The following PAX5 variants were observed in gnomAD, a reference collection of about 807,000 sequenced individuals.
The protein encoded by PAX5 is paired box 5.
A neutral mutation model predicts 43.7 loss-of-function variants in PAX5; 9 were observed. That is an observed-to-expected ratio of 0.21 (90% CI 0.12 to 0.36). The LOEUF is 0.36. PAX5 is among the 10% of genes least tolerant of loss of function. The pLI, the probability that PAX5 is intolerant of heterozygous loss-of-function variation, is 1.00. For missense variants in PAX5, 383 were observed against 532.7 expected, an observed-to-expected ratio of 0.72 and a Z score of 2.77; for synonymous variants, 228 against 214.3, an observed-to-expected ratio of 1.06 and a Z score of -0.56.
intron 3 of PAX5, among the ~76,000 whole-genome samples, chr9:37,006,904 G>A (rs1278293544): frequency 6.6e-6 from 1 of 152,132 alleles, no homozygotes; most frequent in Non-Finnish European, 1.5e-5. Flanking sequence ...GTGACTTTAG[G>A]GAGTCCTTCC....
rs779475124 is a variant in PAX5 at position 36,834,415 on chromosome 9, TGA to T, written c.*6143_*6144del. The T allele has an allele frequency of 7.5e-4, 128 of 171,332 alleles. No individual in the cohort carries two copies. The highest frequency in any genetic ancestry group is 1.3e-3 in the East Asian group (19 of 14,130). 10.6% of individuals were successfully genotyped at this position (171,332 alleles called of 1,614,324 possible). On this transcript the variant is annotated 3_prime_UTR_variant, in exon 10 of 10. Transcript: ENST00000358127. ...TATGTCTGAGGTGTAGGGGAGTGAGTGAGTGTGTGTGTGTGTGTGTGTGTGTG... is the reference window on the plus strand; with the variant it reads ...TATGTCTGAGGTGTAGGGGAGTGAGTGTGTGTGTGTGTGTGTGTGTGTGTG...
chr9:37,020,203 A>C (rs1295833570), intron 2 of PAX5, among the ~76,000 whole-genome samples: 1 of 152,180 alleles, frequency 6.6e-6, no homozygotes, highest in East Asian at 1.9e-4. Context: ...CAACATAACA[A>C]GGTTGATAAT....
chr9:36,885,711 G>T (rs558925077), intron 7 of PAX5, among the ~76,000 whole-genome samples: 1 of 152,244 alleles, frequency 6.6e-6, no homozygotes, highest in Non-Finnish European at 1.5e-5. Context: ...TCTTCATAAG[G>T]CTGTGGTAAG....
chr9:36,924,788 A>G (rs796840029), intron 6 of PAX5, among the ~76,000 whole-genome samples: 1 of 85,740 alleles, frequency 1.2e-5, no homozygotes, highest in Non-Finnish European at 2.3e-5. Flanking sequence ...AGGAAAAGAG[A>G]AAGGGAGGGA....
chr9:36,940,804 C>T (rs867263395), intron 6 of PAX5, among the ~76,000 whole-genome samples: 3 of 152,198 alleles, frequency 2.0e-5, no homozygotes, highest in Non-Finnish European at 4.4e-5. Flanking sequence ...TTTTCATCTG[C>T]TTTGTTCTCT....
In PAX5 at chr9:36,930,842, C is replaced by T. The variant is rs994536512; in HGVS notation, c.781-7358G>A. 8 of 1,306,044 alleles carry T rather than the reference C, an allele frequency of 6.1e-6. No homozygotes were observed. In the African/African-American group the frequency reaches 1.1e-4, roughly 17 times the overall value. The allele number at this position is 1,306,044 out of a possible 1,614,324, so 80.9% of individuals were successfully genotyped here. A position where few individuals can be genotyped will look rare whatever the true frequency, so the allele number is the denominator to read the frequency against. On this transcript the variant is annotated intron_variant, in intron 6 of 9. Transcript: ENST00000358127. ...CAAGGGACTCAAGGAGGCACGTGCC[C>T]CAGGAGAGTGTGCACTGGGCATCAT...
chr9:36,899,110 A>C (rs1321726643), intron 7 of PAX5, among the ~76,000 whole-genome samples: 2 of 152,020 alleles, frequency 1.3e-5, no homozygotes, highest in Non-Finnish European at 2.9e-5. Context: ...CACAGCCCTA[A>C]ATGGCTTGCT....
intron 7 of PAX5, among the ~76,000 whole-genome samples, chr9:36,921,792 C>T (rs1022884083): frequency 6.6e-6 from 1 of 152,188 alleles, no homozygotes; most frequent in African/African-American, 2.4e-5. Context: ...GCCAGAGGGC[C>T]AGCTCTAACT....
intron 7 of PAX5, among the ~76,000 whole-genome samples, chr9:36,888,806 T>C (rs1827124811): frequency 6.6e-6 from 1 of 152,162 alleles, no homozygotes; most frequent in South Asian, 2.1e-4. Flanking sequence ...TGAGGGGGCA[T>C]GAAGCCACCC....
chr9:36,851,478 G>C (rs1479237724), intron 8 of PAX5, among the ~76,000 whole-genome samples: 1 of 152,210 alleles, frequency 6.6e-6, no homozygotes, highest in East Asian at 1.9e-4. Flanking sequence ...CAGCGGGATT[G>C]AGATGAAAGA....
At chr9:36,966,215 C>T (rs1039810690) in intron 6 of PAX5, among the ~76,000 whole-genome samples, 14 of 152,292 alleles carry the variant, frequency 9.2e-5, no homozygotes, top group Middle Eastern at 3.4e-3. Context: ...AAGATACTGA[C>T]CCAAGACCAC....
chr9:36,894,893 G>C (rs930627677), intron 7 of PAX5, among the ~76,000 whole-genome samples: 2 of 152,258 alleles, frequency 1.3e-5, no homozygotes, highest in African/African-American at 2.4e-5. Flanking sequence ...CATGGGCTCT[G>C]AGGGCTCAAA....
intron 3 of PAX5, among the ~76,000 whole-genome samples, chr9:37,013,469 G>T (rs1411689198): frequency 6.6e-6 from 1 of 152,146 alleles, no homozygotes; most frequent in Non-Finnish European, 1.5e-5. Flanking sequence ...CCTGACCAGG[G>T]GTTTGGCTGA....
intron 8 of PAX5, among the ~76,000 whole-genome samples, chr9:36,870,115 A>AATGGATGGATGGATGG (rs74182912): frequency 9.3e-5 from 1 of 10,730 alleles, no homozygotes; most frequent in South Asian, 4.9e-3. Context: ...TGGATGGATA[A>AATGGATGGATGGATGG]ATGGATGGAT....
intron 2 of PAX5, among the ~76,000 whole-genome samples, chr9:37,018,739 T>A (rs1196198916): frequency 6.6e-6 from 1 of 152,174 alleles, no homozygotes; most frequent in African/African-American, 2.4e-5. Context: ...TTCCAATTTA[T>A]TGTTGACAAC....
intron 8 of PAX5, among the ~76,000 whole-genome samples, chr9:36,872,431 C>G (rs1825572897): frequency 6.6e-6 from 1 of 152,104 alleles, no homozygotes. Context: ...CAGAAAACCC[C>G]CTGGGGTGCA....
chr9:37,005,346 A>G (rs1255868893), intron 4 of PAX5, among the ~76,000 whole-genome samples: 1 of 152,252 alleles, frequency 6.6e-6, no homozygotes, highest in African/African-American at 2.4e-5. Context: ...CAAGGTCTGC[A>G]CCGCAGGGAC....
intron 7 of PAX5, among the ~76,000 whole-genome samples, chr9:36,914,835 T>C (rs1032184019): frequency 1.3e-5 from 2 of 152,386 alleles, no homozygotes; most frequent in Non-Finnish European, 2.9e-5. Flanking sequence ...TGTGTGTGTG[T>C]GCACACGCAC....
chr9:37,026,073 C>T (rs1310433240), intron 1 of PAX5, among the ~76,000 whole-genome samples: 2 of 152,238 alleles, frequency 1.3e-5, no homozygotes, highest in African/African-American at 4.8e-5. Context: ...TCCACACATA[C>T]AGACACGGGT....
Sources: allele counts gnomAD v4.1 joint callset (sites outside exome capture counted in the v4.1 genomes callset), GRCh38; gene constraint gnomAD v4.1.1; transcripts MANE v1.5; gene names NCBI Gene and HGNC (gene_info 2026-07-23, HGNC 2026-07-21).